The following PPA2 variants were observed in gnomAD, a reference collection of about 807,000 sequenced individuals.
The protein encoded by PPA2 is inorganic pyrophosphatase 2, mitochondrial.
In PPA2, 48 loss-of-function variants were observed where a neutral mutation model predicts 49.5. The ratio of observed to expected loss-of-function variants is 0.97; its 90% CI spans 0.77 to 1.23. PPA2 has a LOEUF of 1.23. PPA2 is among the 50% of genes most tolerant of loss of function. The pLI, the probability that PPA2 is intolerant of heterozygous loss-of-function variation, is 0.00. For synonymous variants in PPA2, 131 were observed against 139.9 expected (o/e 0.94, Z 0.45); for missense variants, 429 against 410.1 (o/e 1.05, Z -0.40).
chr4:105,432,156 T>C (rs1448214020), intron 6 of PPA2, among the ~76,000 whole-genome samples: 1 of 152,198 alleles, frequency 6.6e-6, no homozygotes, highest in Non-Finnish European at 1.5e-5. Context: ...TATATACATG[T>C]CAAAATGAAC....
chr4:105,440,273 T>C lies in PPA2; in HGVS notation c.442-2237A>G, dbSNP rs150255820. On this transcript the variant is annotated intron_variant, in intron 5 of 11. Transcript: ENST00000341695. ...TAGGAAGATCTTTTTTTCTTTCTTT[T>C]TTTTTTCAGACAGAGTCTCCCTCTG... Among the ~76,000 whole-genome samples, 9 of 152,128 alleles carry C rather than the reference T, an allele frequency of 5.9e-5. No homozygotes were observed. The East Asian group carries it at 1.7e-3, about 29-fold the overall frequency.
At chr4:105,426,243 C>T (rs115154469) in intron 6 of PPA2, among the ~76,000 whole-genome samples, 5,030 of 152,246 alleles carry the variant, frequency 0.033, 277 homozygotes, top group African/African-American at 0.11. Context: ...GAACAGCTCC[C>T]GTCTACAGTT....
chr4:105,379,899 GC>G (rs1733417718), intron 10 of PPA2, among the ~76,000 whole-genome samples: 1 of 152,136 alleles, frequency 6.6e-6, no homozygotes, highest in African/African-American at 2.4e-5. Context: ...CTCCCAAAGT[GC>G]TGGGATTACA....
chr4:105,456,808 A>G, intron 1 of PPA2, 63 bp from the exon 2 acceptor site: 1 of 1,269,238 alleles, frequency 7.9e-7, no homozygotes, highest in Non-Finnish European at 1.1e-6. Flanking sequence ...TGTTCTATAC[A>G]GCAATAATAA....
intron 10 of PPA2, among the ~76,000 whole-genome samples, chr4:105,383,081 C>T (rs1733553643): frequency 6.6e-6 from 1 of 152,166 alleles, no homozygotes; most frequent in Non-Finnish European, 1.5e-5. Flanking sequence ...GGTCCACATG[C>T]TGTAGCCCAC....
At chr4:105,446,583 T>A in intron 4 of PPA2, 81 bp from the exon 5 acceptor site, 1 of 1,446,202 alleles carries the variant, frequency 6.9e-7, no homozygotes, top group South Asian at 1.3e-5. Context: ...TTTAAAAATC[T>A]GCTATTTTCA....
At chr4:105,381,495 TA>T (rs1733486643) in intron 10 of PPA2, among the ~76,000 whole-genome samples, 1 of 152,040 alleles carries the variant, frequency 6.6e-6, no homozygotes, top group Non-Finnish European at 1.5e-5. Context: ...ATGAAAAAAA[TA>T]GACTGACTTC....
chr4:105,386,429 T>C (rs1733684928), intron 10 of PPA2, 138 bp downstream of exon 10: 2 of 623,272 alleles, frequency 3.2e-6, no homozygotes, highest in Non-Finnish European at 5.0e-6. Flanking sequence ...ATTACAGAAA[T>C]AGATTTCAAG....
At chr4:105,401,070 C>G (rs1287537945) in intron 7 of PPA2, among the ~76,000 whole-genome samples, 1 of 152,058 alleles carries the variant, frequency 6.6e-6, no homozygotes, top group Admixed American at 6.6e-5. Context: ...ATATCCAATG[C>G]CAACAGTCAG....
intron 7 of PPA2, among the ~76,000 whole-genome samples, chr4:105,418,664 C>G (rs547249669): frequency 2.6e-5 from 4 of 152,260 alleles, no homozygotes; most frequent in African/African-American, 7.2e-5. Context: ...TTTTTTAAAA[C>G]TATAAAATCA....
At chr4:105,468,704 G>C (rs1490873516) in intron 1 of PPA2, among the ~76,000 whole-genome samples, 2 of 152,218 alleles carry the variant, frequency 1.3e-5, no homozygotes, top group African/African-American at 4.8e-5. Context: ...ATACCAGCAT[G>C]CAGAGTACTG....
At position 105,372,006 on chromosome 4, in the gene PPA2, C is replaced by G. The variant is rs1004163556; in HGVS notation, c.940-1133G>C. Among the ~76,000 whole-genome samples the G allele has an allele frequency of 3.3e-5, 5 of 152,160 alleles. 1 individual carries two copies. The highest frequency in any genetic ancestry group is 1.3e-4 in the Admixed American group (2 of 15,274). ...CCACATATCTAGGCACCTTTTACCT[C>G]CAAACAGCCACCCACCGGCCCCTGC... On this transcript the variant is annotated intron_variant, in intron 10 of 11. Coordinates refer to ENST00000341695, the MANE Select transcript of PPA2 (RefSeq NM_176869.3).
chr4:105,399,131 T>C lies in PPA2; in HGVS notation c.689A>G (p.Tyr230Cys), dbSNP rs750327381. The change falls in exon 8 of 12, where the codon TAC becomes TGC. Residue 230 changes from tyrosine (Y) to cysteine (C), a missense_variant. Transcript: ENST00000341695. The stretch of plus-strand genomic sequence containing the variant: ...AAACCAATTAAGAGTAGCTTCCAGG[T>C]AACCCGGTTTGAACTTCTTAACATC... ...IDDVKKFKPG[Y>C]LEATLNWFRL... 3 of 1,608,914 alleles carry C rather than the reference T, an allele frequency of 1.9e-6. No homozygotes were observed. The South Asian group carries it at 3.4e-5, about 18-fold the overall frequency.
chr4:105,457,390 T>A (rs1425846856), intron 1 of PPA2, among the ~76,000 whole-genome samples: 1 of 152,202 alleles, frequency 6.6e-6, no homozygotes, highest in Non-Finnish European at 1.5e-5. Flanking sequence ...TTTACTGGAA[T>A]ACATCTGTTT....
In PPA2 at chr4:105,389,368, C is replaced by T. The variant is rs1267019303; in HGVS notation, c.870-2732G>A. On this transcript the variant is annotated intron_variant, in intron 9 of 11. Transcript: ENST00000341695. The stretch of plus-strand genomic sequence containing the variant: ...CTTTTTACTTCTCAAACTATTACTA[C>T]GACCTGCCAGGGGAAAAGCAGTATA... Among the ~76,000 whole-genome samples the T allele has an allele frequency of 3.3e-5, 5 of 150,030 alleles. 1 individual carries two copies. The highest frequency in any genetic ancestry group is 2.7e-4 in the Admixed American group (4 of 14,988).
At chr4:105,392,161 C>T (rs1016488173) in intron 9 of PPA2, among the ~76,000 whole-genome samples, 15 of 151,900 alleles carry the variant, frequency 9.9e-5, no homozygotes, top group African/African-American at 2.9e-4. Context: ...CTCCCAGAAT[C>T]AAGTTTAAAG....
chr4:105,424,920 A>T (rs889945501), intron 6 of PPA2, among the ~76,000 whole-genome samples: 1 of 152,242 alleles, frequency 6.6e-6, no homozygotes, highest in Non-Finnish European at 1.5e-5. Flanking sequence ...CAAGGCAAAG[A>T]ATAATGGCCA....
chr4:105,467,153 C>T (rs1723338237), intron 1 of PPA2, among the ~76,000 whole-genome samples: 1 of 152,194 alleles, frequency 6.6e-6, no homozygotes, highest in Non-Finnish European at 1.5e-5. Flanking sequence ...GGGAGGGGAG[C>T]CCTCTTCTGC....
intron 1 of PPA2, among the ~76,000 whole-genome samples, chr4:105,457,724 C>G (rs937625534): frequency 1.3e-5 from 2 of 152,104 alleles, no homozygotes; most frequent in Non-Finnish European, 2.9e-5. Flanking sequence ...CCACCACACC[C>G]AGCTAAGTTT....
Sources: gnomAD v4.1 joint callset for allele counts (sites outside exome capture counted in the v4.1 genomes callset) on GRCh38, gnomAD v4.1.1 for gene constraint, MANE v1.5 for transcripts, NCBI Gene and HGNC (gene_info 2026-07-23, HGNC 2026-07-21) for gene names.